Variants in ATP13A4 observed in about 807,000 individuals in gnomAD.
The protein encoded by ATP13A4 is probable cation-transporting ATPase 13A4.
ATP13A4 carries 114 observed loss-of-function variants against 142.5 expected under a neutral mutation model. The ratio of observed to expected loss-of-function variants is 0.80; its 90% CI spans 0.69 to 0.93. The LOEUF (loss-of-function observed/expected upper bound fraction) is 0.93. Ranked by LOEUF, ATP13A4 falls within the 40% of genes least tolerant of loss-of-function variation. The pLI is 0.00. For synonymous variants in ATP13A4, 488 were observed against 514.8 expected (o/e 0.95, Z 0.70); for missense variants, 1,392 against 1,454.0 (o/e 0.96, Z 0.69).
intron 1 of ATP13A4, among the ~76,000 whole-genome samples, chr3:193,587,815 A>C (rs1724696537): frequency 6.6e-6 from 1 of 152,178 alleles, no homozygotes; most frequent in Non-Finnish European, 1.5e-5. Flanking sequence ...AAAGTATAAA[A>C]ATTGTAAAAA....
intron 2 of ATP13A4, among the ~76,000 whole-genome samples, chr3:193,564,502 A>G (rs1724090709): frequency 6.6e-6 from 1 of 152,214 alleles, no homozygotes; most frequent in African/African-American, 2.4e-5. Context: ...CCAGGGTAAG[A>G]ACTAGGATTA....
chr3:193,411,207 C>T (rs1714751556), intron 27 of ATP13A4, 137 bp from the exon 28 acceptor site: 1 of 698,798 alleles, frequency 1.4e-6, no homozygotes, highest in East Asian at 2.7e-5. Context: ...GGAAAGTATT[C>T]ATTTCTAAGC....
chr3:193,531,325 A>AGGAC, intron 1 of ATP13A4, among the ~76,000 whole-genome samples: 1 of 114,266 alleles, frequency 8.8e-6, no homozygotes, highest in South Asian at 3.4e-4. Context: ...GAAGGAAGGA[A>AGGAC]GGAAGGAAGG....
intron 23 of ATP13A4, among the ~76,000 whole-genome samples, chr3:193,436,341 A>T (rs1355248698): frequency 6.6e-6 from 1 of 152,248 alleles, no homozygotes; most frequent in Non-Finnish European, 1.5e-5. Flanking sequence ...GATTGATTTG[A>T]ATAAATAGTA....
chr3:193,399,866 A>AAC lies in ATP13A4; in HGVS notation c.*2785_*2786insGT, dbSNP rs1560163720. 6.7e-6 allele frequency among the ~76,000 whole-genome samples: 1 copy of AAC among 149,780 alleles called. No homozygotes were observed. Among genetic ancestry groups the AAC allele is most frequent in the Admixed American group, 6.7e-5 (1 of 14,964 alleles). The stretch of plus-strand genomic sequence containing the variant: ...ATCTCAAAAAAAAAAAAAAAAAAAA[A>AAC]AGGTTCACATCACAGCATAAGACTG... On this transcript the variant is annotated 3_prime_UTR_variant, in exon 30 of 30. Coordinates refer to ENST00000342695, the MANE Select transcript of ATP13A4 (RefSeq NM_032279.4).
intron 25 of ATP13A4, among the ~76,000 whole-genome samples, chr3:193,429,188 C>T (rs974509513): frequency 6.6e-6 from 1 of 152,032 alleles, no homozygotes; most frequent in Non-Finnish European, 1.5e-5. Flanking sequence ...AGCAATTAGA[C>T]CCCTTATACA....
Position 193,541,190 on chromosome 3 carries a change from AG to A in ATP13A4, c.60+13549del, listed in dbSNP as rs1249396578. On this transcript the variant is annotated intron_variant, in intron 1 of 29. Coordinates refer to ENST00000342695, the MANE Select transcript of ATP13A4 (RefSeq NM_032279.4). ...CGTGAACCCGGGAGGCGGAGCTTGCAGTGAGCCGAGATCGAGCCACTGCACT... is the reference window on the plus strand; with the variant it reads ...CGTGAACCCGGGAGGCGGAGCTTGCATGAGCCGAGATCGAGCCACTGCACT... Among the ~76,000 whole-genome samples, 7 of 146,602 alleles carry A rather than the reference AG, an allele frequency of 4.8e-5. No individual in the cohort carries two copies. The East Asian group carries it at 1.5e-3, about 31-fold the overall frequency.
Position 193,428,278 on chromosome 3 carries a change from A to G in ATP13A4, c.2842+5567T>C, listed in dbSNP as rs973263116. On this transcript the variant is annotated intron_variant, in intron 25 of 29. Transcript: ENST00000342695. ...ACCAGTTACAATGGTGATAATTAGA[A>G]AGTCAGGAAACAACAGGTGTTGGAG... 5.3e-5 allele frequency among the ~76,000 whole-genome samples: 8 copies of G among 151,226 alleles called. 2 individuals carry two copies. Among genetic ancestry groups the G allele is most frequent in the African/African-American group, 2.0e-4 (8 of 40,510 alleles).
upstream of ATP13A4, chr3:193,554,928 C>T (rs890900604): frequency 6.2e-7 from 1 of 1,602,412 alleles, no homozygotes; most frequent in Non-Finnish European, 8.5e-7. Flanking sequence ...GTTAAAACTC[C>T]TCCTTGAGCA....
At chr3:193,554,429 C>CA in intron 1 of ATP13A4, 1 of 442,580 alleles carries the variant, frequency 2.3e-6, no homozygotes, top group Admixed American at 3.5e-5. Context: ...CTGGCTATAC[C>CA]AATGAGGCTC....
At chr3:193,478,784 C>T (rs2101543) in intron 8 of ATP13A4, among the ~76,000 whole-genome samples, 11,462 of 152,058 alleles carry the variant, frequency 0.075, 634 homozygotes, top group East Asian at 0.21. Flanking sequence ...CAGTATCACC[C>T]TAATACCAAA....
At chr3:193,551,419 GA>G (rs371295397) in intron 1 of ATP13A4, among the ~76,000 whole-genome samples, 195 of 143,380 alleles carry the variant, frequency 1.4e-3, no homozygotes, top group East Asian at 4.7e-3. Flanking sequence ...GTAACAAAAA[GA>G]AAAAAAAAAA....
At position 193,537,367 on chromosome 3, in the gene ATP13A4, T is replaced by C. The variant is rs532678192; in HGVS notation, c.60+17373A>G. On this transcript the variant is annotated intron_variant, in intron 1 of 29. Coordinates refer to ENST00000342695, the MANE Select transcript of ATP13A4 (RefSeq NM_032279.4). Reference sequence around the variant, plus strand: ...GAATTTTCAACAAATGGCCATCAAGTAATTGGATATCCATAGGCAAAAATG... The same window carrying C: ...GAATTTTCAACAAATGGCCATCAAGCAATTGGATATCCATAGGCAAAAATG... Among the ~76,000 whole-genome samples, 6 of 151,738 alleles carry C rather than the reference T, an allele frequency of 4.0e-5. No homozygotes were observed. In the East Asian group the frequency reaches 1.2e-3, roughly 29 times the overall value.
At chr3:193,455,118 T>C (rs763040837) in intron 16 of ATP13A4, among the ~76,000 whole-genome samples, 6 of 151,748 alleles carry the variant, frequency 4.0e-5, no homozygotes, top group South Asian at 2.1e-4. Flanking sequence ...GTGGGCGGAT[T>C]ATGAGGTCAG....
chr3:193,562,135 A>G (rs1724030051), intron 2 of ATP13A4, among the ~76,000 whole-genome samples: 1 of 152,154 alleles, frequency 6.6e-6, no homozygotes, highest in Non-Finnish European at 1.5e-5. Flanking sequence ...TCACCCTGGA[A>G]GCTCTCCTGG....
At chr3:193,438,615 A>T (rs771894409) in intron 22 of ATP13A4, 31 bp from the exon 23 acceptor site, 10 of 1,566,676 alleles carry the variant, frequency 6.4e-6, no homozygotes, top group Non-Finnish European at 8.8e-6. Context: ...TACTCCTCAC[A>T]TAGACTCACG....
rs752385678 is a variant in ATP13A4, at chr3:193,514,698, C to T, written c.234G>A (p.Thr78=). ...QEADTVLLRT[T]DEFQIYSWKK... is the part of the protein sequence containing the mutation. ...GCGACATAACCAGGTACACACTTAC[C>T]GTTGTCCTCAGCAACACAGTGTCTG... Residue 78 remains threonine, a splice_region_variant and synonymous_variant, in exon 2 of 30, where the codon ACG becomes ACA. Coordinates refer to ENST00000342695, the MANE Select transcript of ATP13A4 (RefSeq NM_032279.4). 40 of 1,613,892 alleles carry T rather than the reference C, an allele frequency of 2.5e-5. No homozygotes were observed. Among genetic ancestry groups the T allele is most frequent in the South Asian group, 1.8e-4 (16 of 91,060 alleles).
chr3:193,404,840 CTTAG>C (rs908795277), intron 29 of ATP13A4, among the ~76,000 whole-genome samples: 1 of 152,170 alleles, frequency 6.6e-6, no homozygotes, highest in Non-Finnish European at 1.5e-5. Flanking sequence ...AAACGAAAGC[CTTAG>C]TGAGACATTT....
chr3:193,414,857 C>T (rs1018099402), intron 25 of ATP13A4, 107 bp from the exon 26 acceptor site: 5 of 1,050,992 alleles, frequency 4.8e-6, no homozygotes, highest in Non-Finnish European at 4.4e-6. Context: ...AATGGACAAA[C>T]TGGAGTACAT....
Sources: gnomAD v4.1 joint callset for allele counts (sites outside exome capture counted in the v4.1 genomes callset) on GRCh38, gnomAD v4.1.1 for gene constraint, MANE v1.5 for transcripts, NCBI Gene and HGNC (gene_info 2026-07-23, HGNC 2026-07-21) for gene names.